Variants in WDR59 observed in about 807,000 individuals in gnomAD.
WDR59 encodes the protein GATOR2 complex protein WDR59.
WDR59 carries 100 observed loss-of-function variants against 131.2 expected under a neutral mutation model. The ratio of observed to expected loss-of-function variants is 0.76; its 90% CI spans 0.65 to 0.90. The LOEUF (loss-of-function observed/expected upper bound fraction) is 0.90. WDR59 is among the 40% of genes least tolerant of loss of function. The probability of loss-of-function intolerance (pLI) is 0.00; values close to 1 mark genes in which losing one functional copy is unlikely to be tolerated. For missense variants in WDR59, 1,203 were observed against 1,262.2 expected (o/e 0.95, Z 0.71); for synonymous variants, 601 against 466.2 (o/e 1.29, Z -3.72).
chr16:74,961,557 GC>G (rs1465220571), intron 2 of WDR59, among the ~76,000 whole-genome samples: 5 of 152,144 alleles, frequency 3.3e-5, no homozygotes, highest in African/African-American at 1.2e-4. Flanking sequence ...GTAATGATGA[GC>G]TTTTTTTCAT....
rs1199390769 is a variant in WDR59 at position 74,873,998 on chromosome 16, T to G, written c.*211A>C. The stretch of plus-strand genomic sequence containing the variant: ...AAAGCGCAGCTCTGCACTTCTGTCC[T>G]TATCTTCACACAGTGACATCCACAC... On this transcript the variant is annotated 3_prime_UTR_variant, in exon 26 of 26. Coordinates refer to ENST00000262144, the MANE Select transcript of WDR59 (RefSeq NM_030581.4). The G allele has an allele frequency of 1.7e-6, 1 of 578,936 alleles. No homozygotes were observed. The highest frequency in any genetic ancestry group is 3.1e-6 in the Non-Finnish European group (1 of 323,764). The allele number at this position is 578,936 out of a possible 1,614,324, so 35.9% of individuals were successfully genotyped here. A position where few individuals can be genotyped will look rare whatever the true frequency, so the allele number is the denominator to read the frequency against.
intron 18 of WDR59, among the ~76,000 whole-genome samples, chr16:74,896,276 A>G (rs1965293420): frequency 6.6e-6 from 1 of 152,232 alleles, no homozygotes; most frequent in Non-Finnish European, 1.5e-5. Flanking sequence ...CAGTTTAACT[A>G]CACAGCTGAA....
In WDR59 at chr16:74,945,464, G is replaced by A. The variant is rs192592430; in HGVS notation, c.446-2638C>T. Among the ~76,000 whole-genome samples, 477 of 151,846 alleles carry A rather than the reference G, an allele frequency of 3.1e-3. 5 individuals are homozygous for A. The highest frequency in any genetic ancestry group is 0.011 in the African/African-American group (438 of 41,370). ...TGCACTCCAGCCTGGGCAACAGAGC[G>A]AGACTCTGTCTCAAAAATAAAAAAA... On this transcript the variant is annotated intron_variant, in intron 6 of 25. Transcript: ENST00000262144.
At chr16:74,972,821 T>TA (rs57885889) in intron 1 of WDR59, among the ~76,000 whole-genome samples, 1,011 of 55,022 alleles carry the variant, frequency 0.018, 48 homozygotes, top group African/African-American at 0.043. Context: ...GACTCTGTCT[T>TA]AAAAAAAAAA....
chr16:74,970,463 C>CCAGCCTG (rs2033934261), intron 1 of WDR59, among the ~76,000 whole-genome samples: 1 of 136,132 alleles, frequency 7.3e-6, no homozygotes, highest in Non-Finnish European at 1.6e-5. Flanking sequence ...CCACTGCACT[C>CCAGCCTG]CAGCCTGGGT....
At chr16:74,921,845 G>A in intron 10 of WDR59, 102 bp downstream of exon 10, 1 of 1,419,380 alleles carries the variant, frequency 7.0e-7, no homozygotes, top group East Asian at 2.5e-5. Context: ...CTAAAGCCCA[G>A]CTCTCTCTAT....
chr16:74,888,050 G>A (rs1311222145), intron 22 of WDR59, 119 bp downstream of exon 22: 13 of 1,295,734 alleles, frequency 1.0e-5, no homozygotes, highest in Middle Eastern at 2.2e-4. Context: ...CCCAGGAGGC[G>A]GAGGTTGCAG....
chr16:74,924,645 T>C (rs905001816), intron 8 of WDR59, among the ~76,000 whole-genome samples: 2 of 152,210 alleles, frequency 1.3e-5, no homozygotes, highest in African/African-American at 2.4e-5. Flanking sequence ...ACACCTATGC[T>C]TCTAACGTGA....
chr16:74,898,446 G>A (rs1451249102), intron 18 of WDR59, among the ~76,000 whole-genome samples: 1 of 152,226 alleles, frequency 6.6e-6, no homozygotes, highest in African/African-American at 2.4e-5. Flanking sequence ...AAGAGACAAA[G>A]CAAGACAGAC....
chr16:74,981,858 G>A (rs2034443770), intron 1 of WDR59, among the ~76,000 whole-genome samples: 1 of 140,118 alleles, frequency 7.1e-6, no homozygotes, highest in Non-Finnish European at 1.6e-5. Context: ...GTTTCACCAT[G>A]TTGGCCAGGC....
chr16:74,921,574 G>C (rs934279277), intron 10 of WDR59, among the ~76,000 whole-genome samples: 1 of 151,898 alleles, frequency 6.6e-6, no homozygotes, highest in African/African-American at 2.4e-5. Flanking sequence ...CAGTACTAAA[G>C]ACCACCTTGG....
At chr16:74,895,950 A>C (rs1290596927) in intron 18 of WDR59, among the ~76,000 whole-genome samples, 4 of 152,172 alleles carry the variant, frequency 2.6e-5, no homozygotes, top group African/African-American at 9.7e-5. Flanking sequence ...GCTTAACGAG[A>C]ACAGGGAAAT....
intron 4 of WDR59, 81 bp downstream of exon 4, chr16:74,951,377 G>A (rs1423465027): frequency 5.9e-6 from 8 of 1,356,088 alleles, no homozygotes; most frequent in Non-Finnish European, 8.3e-6. Flanking sequence ...AGCCATGCAA[G>A]GAGGACGGCA....
chr16:74,937,182 G>T (rs1181336909), intron 8 of WDR59, among the ~76,000 whole-genome samples: 4 of 152,180 alleles, frequency 2.6e-5, no homozygotes, highest in Non-Finnish European at 4.4e-5. Context: ...AACATCCCAT[G>T]TCACAGAGAG....
chr16:74,963,490 C>G (rs2033643876), intron 2 of WDR59, among the ~76,000 whole-genome samples: 1 of 151,822 alleles, frequency 6.6e-6, no homozygotes, highest in South Asian at 2.1e-4. Flanking sequence ...AACACAAGAA[C>G]AGAAAACCAA....
At chr16:74,960,753 T>TAAAAAAAAAAAAAAAAA (rs59914217) in intron 2 of WDR59, among the ~76,000 whole-genome samples, 4 of 118,720 alleles carry the variant, frequency 3.4e-5, no homozygotes, top group African/African-American at 6.3e-5. Context: ...GTCTCAAAAA[T>TAAAAAAAAAAAAAAAAA]AAAAAAAAAA....
chr16:74,912,331 G>C lies in WDR59; in HGVS notation c.1256C>G (p.Ser419Cys). The C allele has an allele frequency of 1.2e-6, 2 of 1,614,032 alleles. No individual in the cohort carries two copies. The highest frequency in any genetic ancestry group is 1.7e-6 in the Non-Finnish European group (2 of 1,180,030). The change falls in exon 14 of 26, where the codon TCT becomes TGT. Residue 419 changes from serine to cysteine, a missense_variant. Physicochemically the swap from Ser to Cys is moderately radical, Grantham distance 112. Coordinates refer to ENST00000262144, the MANE Select transcript of WDR59 (RefSeq NM_030581.4). ...MDAADRSCTV[S>C]VHCSNHRVKM... ...GACACGATGGTTGCTGCAGTGCACA[G>C]ACACTGTGCAGCTCCTGTCTGCCGC...
In WDR59 at chr16:74,890,756, T is replaced by C. The variant is rs538535224; in HGVS notation, c.2083-941A>G. Among the ~76,000 whole-genome samples the C allele has an allele frequency of 5.9e-5, 9 of 152,268 alleles. No homozygotes were observed. In the South Asian group the frequency reaches 1.9e-3, roughly 32 times the overall value. ...GAAACCAATAGCCTCTAAGTGTCTATTAAGTCCAAGGCACAGGCTAAACCC... is the reference window on the plus strand; with the variant it reads ...GAAACCAATAGCCTCTAAGTGTCTACTAAGTCCAAGGCACAGGCTAAACCC... On this transcript the variant is annotated intron_variant, in intron 20 of 25. Coordinates refer to ENST00000262144, the MANE Select transcript of WDR59 (RefSeq NM_030581.4).
chr16:74,880,278 T>A (rs1013877715), intron 25 of WDR59, among the ~76,000 whole-genome samples: 1 of 151,908 alleles, frequency 6.6e-6, no homozygotes, highest in African/African-American at 2.4e-5. Flanking sequence ...AAACCCCATC[T>A]CTACTAAAAA....
Sources: allele counts gnomAD v4.1 joint callset (sites outside exome capture counted in the v4.1 genomes callset), GRCh38; gene constraint gnomAD v4.1.1; transcripts MANE v1.5; gene names NCBI Gene and HGNC (gene_info 2026-07-23, HGNC 2026-07-21).